TRAT1: variants seen among roughly 807,000 people sequenced by gnomAD.
TRAT1 encodes the protein T-cell receptor-associated transmembrane adapter 1.
In TRAT1, 20 loss-of-function variants were observed where a neutral mutation model predicts 20.0. The ratio of observed to expected loss-of-function variants is 1.00; its 90% confidence interval spans 0.70 to 1.45. The LOEUF (loss-of-function observed/expected upper bound fraction) is 1.45, where lower values mean the gene tolerates loss of function less well. Among genes scored for constraint, TRAT1 ranks in the 40% most tolerant of loss-of-function variants. The pLI is 0.00. For synonymous variants in TRAT1, 77 were observed against 74.2 expected, an observed-to-expected ratio of 1.04 and a Z score of -0.20; for missense variants, 237 against 224.1, an observed-to-expected ratio of 1.06 and a Z score of -0.37.
chr3:108,838,749 A>G (rs765714397), intron 2 of TRAT1, among the ~76,000 whole-genome samples, 185 bp from the exon 3 acceptor site: 28 of 151,896 alleles, frequency 1.8e-4, no homozygotes, highest in South Asian at 6.3e-4. Context: ...GTAATTTGGT[A>G]AAAGGCAAAT....
intron 5 of TRAT1, among the ~76,000 whole-genome samples, chr3:108,849,559 A>C (rs1294782617): frequency 6.6e-6 from 1 of 152,248 alleles, no homozygotes; most frequent in East Asian, 1.9e-4. Context: ...ATAATATAGA[A>C]GGTGACACAC....
At chr3:108,838,255 A>G (rs1348831896) in intron 2 of TRAT1, among the ~76,000 whole-genome samples, 1 of 152,138 alleles carries the variant, frequency 6.6e-6, no homozygotes, top group Non-Finnish European at 1.5e-5. Context: ...AAATGAAGTC[A>G]TGATCACAGC....
chr3:108,828,835 G>C (rs114183161), intron 1 of TRAT1, among the ~76,000 whole-genome samples: 1 of 152,164 alleles, frequency 6.6e-6, no homozygotes, highest in East Asian at 1.9e-4. Flanking sequence ...AATGGTCGGC[G>C]AGATGGAAGC....
chr3:108,835,925 ATTTATTTATTTT>A (rs895561024), intron 2 of TRAT1, among the ~76,000 whole-genome samples: 5 of 118,928 alleles, frequency 4.2e-5, no homozygotes, highest in African/African-American at 2.1e-4. Context: ...TTATTTATTT[ATTTATTTATTTT>A]TTGAGAAAGT....
chr3:108,838,395 T>C (rs1576521201), intron 2 of TRAT1, among the ~76,000 whole-genome samples: 1 of 145,076 alleles, frequency 6.9e-6, no homozygotes, highest in African/African-American at 2.6e-5. Flanking sequence ...GATAGATAGA[T>C]AGATAGATAG....
intron 1 of TRAT1, 72 bp from the exon 2 acceptor site, chr3:108,830,598 G>C: frequency 2.1e-6 from 2 of 940,372 alleles, no homozygotes; most frequent in Non-Finnish European, 3.5e-6. Flanking sequence ...AGCTTTAACT[G>C]TGGCAATAGC....
At chr3:108,839,261 A>C in intron 3 of TRAT1, 1 of 380,464 alleles carries the variant, frequency 2.6e-6, no homozygotes, top group Non-Finnish European at 4.7e-6. Flanking sequence ...CTAGATTATG[A>C]TCCAGCTTAG....
chr3:108,842,817 T>A (rs1362134374), intron 3 of TRAT1, among the ~76,000 whole-genome samples: 1 of 152,248 alleles, frequency 6.6e-6, no homozygotes. Flanking sequence ...GAGCTCATTG[T>A]GCTTAACAGA....
chr3:108,845,957 A>G (rs922197338), intron 3 of TRAT1, among the ~76,000 whole-genome samples: 4 of 152,200 alleles, frequency 2.6e-5, no homozygotes, highest in Non-Finnish European at 5.9e-5. Context: ...TGAGGCTGGA[A>G]GGAACTTTAA....
At position 108,853,826 on chromosome 3, in the gene TRAT1, T is replaced by G. The variant is rs574409394; in HGVS notation, c.510T>G (p.Asp170Glu). The G allele has an allele frequency of 6.2e-7, 1 of 1,613,922 alleles. No homozygotes were observed. The highest frequency in any genetic ancestry group is 1.1e-5 in the South Asian group (1 of 91,084). The change falls in exon 6 of 6, where the codon GAT (aspartate) becomes GAG (glutamate). Residue 170 changes from aspartate to glutamate, a missense_variant. By Grantham distance (45) the Asp-to-Glu change is conservative. Coordinates refer to ENST00000295756, the MANE Select transcript of TRAT1 (RefSeq NM_016388.4). ...SQAVEENIHD[D>E]PIRLFGLIRA... ...CAGTAGAGGAAAACATTCATGATGA[T>G]CCCATCAGACTGTTTGGATTGATCC...
chr3:108,846,459 TA>T (rs1246067366), intron 3 of TRAT1, among the ~76,000 whole-genome samples: 2 of 152,228 alleles, frequency 1.3e-5, no homozygotes, highest in African/African-American at 4.8e-5. Context: ...ACAATGTATG[TA>T]AAACACCTAA....
chr3:108,841,824 T>C (rs937833061), intron 3 of TRAT1, among the ~76,000 whole-genome samples: 5 of 152,160 alleles, frequency 3.3e-5, no homozygotes, highest in African/African-American at 1.2e-4. Flanking sequence ...AAAACATAAT[T>C]CTTGCCTTTT....
rs1191073320 is a variant in TRAT1, at chr3:108,853,764, A to T, written c.448A>T (p.Thr150Ser). ...TGCAATAGATGCCAGCGTTTCTAAG[A>T]CCACCTTAGTAGACAGTTTCTCCCC... is the stretch of plus-strand genomic sequence containing the variant. Reference protein sequence around the residue: ...LHAIDASVSKTTLVDSFSPES... With the variant: ...LHAIDASVSKSTLVDSFSPES... Residue 150 changes from threonine to serine, a missense_variant, in exon 6 of 6, where the codon ACC (threonine) becomes TCC (serine). Coordinates refer to ENST00000295756, the MANE Select transcript of TRAT1 (RefSeq NM_016388.4). 1 of 1,614,154 alleles carries T rather than the reference A, an allele frequency of 6.2e-7. No individual in the cohort carries two copies.
At chr3:108,841,691 G>T (rs1228608029) in intron 3 of TRAT1, among the ~76,000 whole-genome samples, 1 of 152,082 alleles carries the variant, frequency 6.6e-6, no homozygotes, top group African/African-American at 2.4e-5. Flanking sequence ...CCCATTCCCT[G>T]CCCTTCCTGC....
chr3:108,838,391 TAGATAG>T (rs1559822545), intron 2 of TRAT1, among the ~76,000 whole-genome samples: 3 of 142,044 alleles, frequency 2.1e-5, no homozygotes, highest in Admixed American at 7.0e-5. Context: ...GATAGATAGA[TAGATAG>T]ATAGATAGAG....
chr3:108,830,885 G>T, intron 2 of TRAT1, 105 bp downstream of exon 2: 4 of 722,502 alleles, frequency 5.5e-6, no homozygotes, highest in South Asian at 3.6e-5. Flanking sequence ...TCATTCAACA[G>T]GATATTTTTA....
chr3:108,846,741 G>T (rs952232543), intron 3 of TRAT1, among the ~76,000 whole-genome samples: 1 of 152,134 alleles, frequency 6.6e-6, no homozygotes, highest in Non-Finnish European at 1.5e-5. Context: ...TACCTATGTT[G>T]GAATTGAGAG....
At chr3:108,836,678 T>C (rs1043735486) in intron 2 of TRAT1, among the ~76,000 whole-genome samples, 3 of 152,222 alleles carry the variant, frequency 2.0e-5, no homozygotes, top group Non-Finnish European at 4.4e-5. Flanking sequence ...AACTTTGTCA[T>C]TAAAAAATGT....
intron 5 of TRAT1, among the ~76,000 whole-genome samples, chr3:108,850,571 T>TG (rs1943407194): frequency 6.6e-6 from 1 of 152,208 alleles, no homozygotes; most frequent in South Asian, 2.1e-4. Context: ...CCCAAAGTGC[T>TG]GGGATTACAG....
Sources: allele counts gnomAD v4.1 joint callset (sites outside exome capture counted in the v4.1 genomes callset), GRCh38; gene constraint gnomAD v4.1.1; transcripts MANE v1.5; gene names NCBI Gene and HGNC (gene_info 2026-07-23, HGNC 2026-07-21).